PDS5B: variants seen among roughly 807,000 people sequenced by gnomAD.
PDS5B encodes sister chromatid cohesion protein PDS5 homolog B.
In PDS5B, 51 loss-of-function variants were observed where a neutral mutation model predicts 184.1. That is an observed-to-expected ratio of 0.28 (90% CI 0.22 to 0.35). PDS5B has a LOEUF of 0.35. PDS5B is among the 10% of genes least tolerant of loss of function. The probability of loss-of-function intolerance (pLI) is 1.00; values close to 1 mark genes in which losing one functional copy is unlikely to be tolerated. For synonymous variants in PDS5B, 566 were observed against 569.2 expected, an observed-to-expected ratio of 0.99 and a Z score of 0.08; for missense variants, 1,180 against 1,723.3, an observed-to-expected ratio of 0.68 and a Z score of 5.58.
intron 1 of PDS5B, among the ~76,000 whole-genome samples, chr13:32,641,646 T>C (rs1445802911): frequency 6.6e-6 from 1 of 152,190 alleles, no homozygotes; most frequent in African/African-American, 2.4e-5. Flanking sequence ...CTGTTTTCCT[T>C]CTTTATCTCC....
chr13:32,592,325 G>A (rs1352238851), intron 1 of PDS5B, among the ~76,000 whole-genome samples: 2 of 151,980 alleles, frequency 1.3e-5, no homozygotes, highest in African/African-American at 4.8e-5. Context: ...TGTGATCTCG[G>A]CTCACTGCAG....
intron 1 of PDS5B, among the ~76,000 whole-genome samples, chr13:32,616,059 CT>C (rs1018388752): frequency 4.0e-4 from 58 of 145,444 alleles, no homozygotes; most frequent in Admixed American, 4.8e-4. Context: ...CTCTCTCTCT[CT>C]TTTTTTTTTT....
At chr13:32,598,016 A>G (rs2057907388) in intron 1 of PDS5B, among the ~76,000 whole-genome samples, 1 of 152,056 alleles carries the variant, frequency 6.6e-6, no homozygotes, top group Non-Finnish European at 1.5e-5. Context: ...TGTAGATTAA[A>G]AAAAAGAAAA....
rs1425291407 is a variant in PDS5B, at chr13:32,777,366, T to TTTG, written c.*2314_*2315insTTG. ...TTCTTTCTTTCTTTTTTTTTTTTTT[T>TTTG]GTGTAGAAAAATAGGTGCAATAATG... On this transcript the variant is annotated 3_prime_UTR_variant, in exon 35 of 35. Transcript: ENST00000315596. The TTTG allele has an allele frequency of 6.7e-6, 1 of 150,000 alleles. No individual in the cohort carries two copies. The highest frequency in any genetic ancestry group is 1.5e-5 in the Non-Finnish European group (1 of 67,302). The allele number at this position is 150,000 out of a possible 1,614,324, so 9.3% of individuals were successfully genotyped here.
intron 1 of PDS5B, among the ~76,000 whole-genome samples, chr13:32,608,469 T>A (rs2058094833): frequency 6.6e-6 from 1 of 152,146 alleles, no homozygotes; most frequent in Non-Finnish European, 1.5e-5. Flanking sequence ...ATTACAGTGA[T>A]TGATATATAT....
At position 32,742,666 on chromosome 13, in the gene PDS5B, T is replaced by C. The variant is rs779014163; in HGVS notation, c.2551T>C (p.Leu851=). The change falls in exon 23 of 35, where the codon TTA becomes CTA. Residue 851 remains leucine, a synonymous_variant. Coordinates refer to ENST00000315596, the MANE Select transcript of PDS5B (RefSeq NM_015032.4). ...TCACAGTAAATCAGGAACTTCTACC[T>C]TAAGATTGCTAACAACAATATTGCA... ...NNHSKSGTST[L]RLLTTILHSD... The C allele has an allele frequency of 1.3e-5, 21 of 1,611,832 alleles. No individual in the cohort carries two copies. In the East Asian group the frequency reaches 4.5e-4, roughly 34 times the overall value.
rs77482176 is a variant in PDS5B, at chr13:32,642,056, C to T, written c.-19-6698C>T. 6.1e-3 allele frequency among the ~76,000 whole-genome samples: 931 copies of T among 152,278 alleles called. 17 individuals carry two copies. Among genetic ancestry groups the T allele is most frequent in the African/African-American group, 0.022 (898 of 41,548 alleles). On this transcript the variant is annotated intron_variant, in intron 1 of 34. Transcript: ENST00000315596. ...AGGTTTCGAATCTTATAATCATGTTCTGCTTCTCTGGTATAATCATTCGTA... is the reference window on the plus strand; with the variant it reads ...AGGTTTCGAATCTTATAATCATGTTTTGCTTCTCTGGTATAATCATTCGTA...
intron 10 of PDS5B, among the ~76,000 whole-genome samples, chr13:32,683,535 G>A (rs1951306227): frequency 6.6e-6 from 1 of 151,454 alleles, no homozygotes. Flanking sequence ...GGTCAGGCTG[G>A]TCTTGAACTC....
At chr13:32,639,192 G>T (rs1939134202) in intron 1 of PDS5B, among the ~76,000 whole-genome samples, 1 of 152,142 alleles carries the variant, frequency 6.6e-6, no homozygotes, top group Admixed American at 6.5e-5. Flanking sequence ...AACTGATGCA[G>T]GTCGAGATAT....
At chr13:32,673,464 G>A in intron 8 of PDS5B, 108 bp downstream of exon 8, 4 of 876,828 alleles carry the variant, frequency 4.6e-6, no homozygotes, top group South Asian at 1.8e-5. Flanking sequence ...AGAGATGAGG[G>A]GGAAGTATTA....
At chr13:32,665,892 G>A (rs899604210) in intron 6 of PDS5B, among the ~76,000 whole-genome samples, 1 of 152,104 alleles carries the variant, frequency 6.6e-6, no homozygotes, top group Non-Finnish European at 1.5e-5. Context: ...TTTGTAAAGT[G>A]ATATAAAATG....
At chr13:32,605,648 T>C (rs563855139) in intron 1 of PDS5B, among the ~76,000 whole-genome samples, 1 of 152,216 alleles carries the variant, frequency 6.6e-6, no homozygotes, top group East Asian at 1.9e-4. Context: ...TGTCTTGATC[T>C]GTCTAATATC....
At chr13:32,724,078 T>A (rs532166988) in intron 19 of PDS5B, among the ~76,000 whole-genome samples, 14 of 152,160 alleles carry the variant, frequency 9.2e-5, no homozygotes, top group Non-Finnish European at 1.8e-4. Flanking sequence ...CAGTTAACAC[T>A]AATAACTTAA....
chr13:32,759,568 G>T, intron 28 of PDS5B, 60 bp from the exon 29 acceptor site: 1 of 746,068 alleles, frequency 1.3e-6, no homozygotes. Context: ...GTTGGCTTTT[G>T]AACCACCTGT....
At chr13:32,652,220 G>A (rs1014106488) in intron 3 of PDS5B, 1 of 417,120 alleles carries the variant, frequency 2.4e-6, no homozygotes, top group Non-Finnish European at 4.2e-6. Flanking sequence ...AATACAGTGT[G>A]TATTTTTTTT....
At chr13:32,651,242 A>G (rs1029864842) in intron 2 of PDS5B, among the ~76,000 whole-genome samples, 1 of 152,216 alleles carries the variant, frequency 6.6e-6, no homozygotes, top group African/African-American at 2.4e-5. Flanking sequence ...CCACACAAGA[A>G]ATATTTTGTT....
intron 7 of PDS5B, among the ~76,000 whole-genome samples, chr13:32,668,318 A>G (rs1187852871): frequency 6.6e-6 from 1 of 152,182 alleles, no homozygotes; most frequent in Non-Finnish European, 1.5e-5. Context: ...ATCTATTGCT[A>G]TTCCTGGGGT....
chr13:32,678,542 C>T (rs575175028), intron 9 of PDS5B, among the ~76,000 whole-genome samples: 3 of 152,194 alleles, frequency 2.0e-5, no homozygotes, highest in African/African-American at 4.8e-5. Context: ...GAGAGTATAA[C>T]GTTGATAGGA....
intron 8 of PDS5B, among the ~76,000 whole-genome samples, chr13:32,673,668 C>T (rs1040409563): frequency 6.6e-6 from 1 of 152,110 alleles, no homozygotes; most frequent in Admixed American, 6.6e-5. Context: ...TTTCAAGGCA[C>T]AGTTTATAGT....
Sources: gnomAD v4.1 joint callset for allele counts (sites outside exome capture counted in the v4.1 genomes callset) on GRCh38, gnomAD v4.1.1 for gene constraint, MANE v1.5 for transcripts, NCBI Gene and HGNC (gene_info 2026-07-23, HGNC 2026-07-21) for gene names.